The following ETV6 variants were observed in gnomAD, a reference collection of about 807,000 sequenced individuals.
The protein encoded by ETV6 is transcription factor ETV6.
ETV6 carries 16 observed loss-of-function variants against 51.1 expected under a neutral mutation model. That is an observed-to-expected ratio of 0.31 (90% CI 0.21 to 0.48). The LOEUF (loss-of-function observed/expected upper bound fraction) is 0.48, where lower values mean the gene tolerates loss of function less well. Among genes scored for constraint, ETV6 ranks in the 20% least tolerant of loss-of-function variants. The probability of loss-of-function intolerance (pLI) is 0.99; values close to 1 mark genes in which losing one functional copy is unlikely to be tolerated. For missense variants in ETV6, 458 were observed against 594.8 expected (o/e 0.77, Z 2.39); for synonymous variants, 240 against 224.1 (o/e 1.07, Z -0.64).
intron 2 of ETV6, among the ~76,000 whole-genome samples, chr12:11,781,333 CT>C (rs1255038942): frequency 6.6e-6 from 1 of 152,172 alleles, no homozygotes; most frequent in Non-Finnish European, 1.5e-5. Flanking sequence ...TCCCTGCCCC[CT>C]TTTCGTCCCG....
At chr12:11,748,747 A>G (rs1265122915) in intron 1 of ETV6, among the ~76,000 whole-genome samples, 1 of 152,188 alleles carries the variant, frequency 6.6e-6, no homozygotes, top group Non-Finnish European at 1.5e-5. Context: ...GCTCCTAAGC[A>G]TTCAGTTTAA....
Position 11,869,091 on chromosome 12 carries a change from C to T in ETV6, c.464-333C>T, listed in dbSNP as rs1946834106. Among the ~76,000 whole-genome samples, 1 of 151,980 alleles carries T rather than the reference C, an allele frequency of 6.6e-6. No homozygotes were observed. The highest frequency in any genetic ancestry group is 1.5e-5 in the Non-Finnish European group (1 of 67,998). ...CTCTACTAAAAATAAAAAAAATTAGCCGAGCATGGTGGTGGGCGCCTGTAG... is the reference window on the plus strand; with the variant it reads ...CTCTACTAAAAATAAAAAAAATTAGTCGAGCATGGTGGTGGGCGCCTGTAG... On this transcript the variant is annotated intron_variant, in intron 4 of 7. Coordinates refer to ENST00000396373, the MANE Select transcript of ETV6 (RefSeq NM_001987.5). This position sits in a 1 kb window ranked among gnomAD's most constrained non-coding sequence, Gnocchi z 5.0.
chr12:11,672,168 C>T (rs1028869456), intron 1 of ETV6, among the ~76,000 whole-genome samples: 3 of 152,052 alleles, frequency 2.0e-5, no homozygotes, highest in East Asian at 3.9e-4. Flanking sequence ...TTCCTTCTGT[C>T]GCAAAATATA....
intron 1 of ETV6, among the ~76,000 whole-genome samples, chr12:11,725,131 A>T (rs1333368352): frequency 1.3e-5 from 2 of 149,292 alleles, no homozygotes; most frequent in Admixed American, 6.7e-5. Flanking sequence ...ATCTGCAGGG[A>T]GCTCTTAAGA....
At chr12:11,789,452 T>A (rs868782106) in intron 2 of ETV6, among the ~76,000 whole-genome samples, 21 of 152,232 alleles carry the variant, frequency 1.4e-4, no homozygotes, top group African/African-American at 4.6e-4. Context: ...CAAGAGCTTC[T>A]ACCTGCTTCG....
At chr12:11,856,218 A>G (rs2136499204) in intron 4 of ETV6, among the ~76,000 whole-genome samples, 1 of 152,252 alleles carries the variant, frequency 6.6e-6, no homozygotes, top group Admixed American at 6.5e-5. Flanking sequence ...AACCAAGTAA[A>G]TACAGATGTG....
chr12:11,694,143 A>T (rs1312883673), intron 1 of ETV6, among the ~76,000 whole-genome samples: 1 of 152,198 alleles, frequency 6.6e-6, no homozygotes, highest in Admixed American at 6.5e-5. Flanking sequence ...GGCCAACCTT[A>T]TTAGAGATCT....
At chr12:11,678,781 T>G (rs1458700182) in intron 1 of ETV6, among the ~76,000 whole-genome samples, 1 of 152,134 alleles carries the variant, frequency 6.6e-6, no homozygotes, top group Non-Finnish European at 1.5e-5. Context: ...ACCAGGGGAA[T>G]TGATGGTATA....
intron 1 of ETV6, among the ~76,000 whole-genome samples, chr12:11,666,999 G>T (rs553867527): frequency 6.6e-6 from 1 of 152,302 alleles, no homozygotes; most frequent in East Asian, 1.9e-4. Flanking sequence ...TGTTACGGGT[G>T]CTGATCTGGA....
At chr12:11,814,887 G>C (rs1393271353) in intron 2 of ETV6, among the ~76,000 whole-genome samples, 1 of 152,196 alleles carries the variant, frequency 6.6e-6, no homozygotes, top group Non-Finnish European at 1.5e-5. Context: ...TTCCCGGGGA[G>C]TGTGATGTGA....
intron 1 of ETV6, among the ~76,000 whole-genome samples, chr12:11,726,882 GAC>G (rs1445323443): frequency 1.3e-5 from 2 of 152,208 alleles, no homozygotes; most frequent in African/African-American, 4.8e-5. Flanking sequence ...GTAAGCCATC[GAC>G]ACACACATAC....
intron 1 of ETV6, among the ~76,000 whole-genome samples, chr12:11,667,410 G>A (rs765398563): frequency 2.0e-5 from 3 of 152,114 alleles, no homozygotes; most frequent in Non-Finnish European, 4.4e-5. Context: ...CGATGCTCAT[G>A]AACCTAGGGT....
At chr12:11,650,184 T>A in intron 1 of ETV6, 24 bp downstream of exon 1, 2 of 1,608,730 alleles carry the variant, frequency 1.2e-6, no homozygotes, top group Non-Finnish European at 1.7e-6. Flanking sequence ...CCCCTCCTTC[T>A]ACGTGGTGGA....
chr12:11,780,651 A>G (rs1371127279), intron 2 of ETV6, among the ~76,000 whole-genome samples: 1 of 152,184 alleles, frequency 6.6e-6, no homozygotes, highest in African/African-American at 2.4e-5. Flanking sequence ...GCCATAAATA[A>G]CATCTCACCA....
At chr12:11,738,993 G>A (rs1865760771) in intron 1 of ETV6, among the ~76,000 whole-genome samples, 1 of 152,158 alleles carries the variant, frequency 6.6e-6, no homozygotes, top group African/African-American at 2.4e-5. Context: ...TGTTGGGGAG[G>A]AGAGCTGAAA....
chr12:11,779,364 A>T (rs7967212), intron 2 of ETV6, among the ~76,000 whole-genome samples: 3,229 of 152,274 alleles, frequency 0.021, 127 homozygotes, highest in African/African-American at 0.074. Context: ...CATCTTAAAA[A>T]CTTGAAACTC....
At chr12:11,713,767 G>A (rs1374308946) in intron 1 of ETV6, among the ~76,000 whole-genome samples, 1 of 152,142 alleles carries the variant, frequency 6.6e-6, no homozygotes, top group Non-Finnish European at 1.5e-5. Flanking sequence ...CTAGGACAGT[G>A]GTTCTTAACC....
chr12:11,885,893 C>T (rs777274677), intron 6 of ETV6, 33 bp from the exon 7 acceptor site: 6 of 1,514,798 alleles, frequency 4.0e-6, no homozygotes, highest in Non-Finnish European at 4.6e-6. Flanking sequence ...TGTCTTTGTG[C>T]TTTTTTTCTC....
intron 2 of ETV6, chr12:11,752,831 C>CAT (rs1866064823): frequency 2.6e-6 from 1 of 379,838 alleles, no homozygotes; most frequent in Non-Finnish European, 4.7e-6. Context: ...AACCTGGAAA[C>CAT]ATGCAGTATA....
Sources: gnomAD v4.1 joint callset for allele counts (sites outside exome capture counted in the v4.1 genomes callset) on GRCh38, gnomAD v4.1.1 for gene constraint, Gnocchi (gnomAD v3.1) non-coding constraint, MANE v1.5 for transcripts, NCBI Gene and HGNC (gene_info 2026-07-23, HGNC 2026-07-21) for gene names.